GNB1: variants seen among roughly 807,000 people sequenced by gnomAD.
GNB1 encodes the protein guanine nucleotide-binding protein G(I)/G(S)/G(T) subunit beta-1.
Under a neutral mutation model 42.9 loss-of-function variants are expected in GNB1, and 2 were observed. That is an observed-to-expected ratio of 0.05 (90% CI 0.02 to 0.15). The LOEUF (loss-of-function observed/expected upper bound fraction) is 0.15. Ranked by LOEUF, GNB1 falls within the 10% of genes least tolerant of loss-of-function variation. The probability of loss-of-function intolerance (pLI) is 1.00; values close to 1 mark genes in which losing one functional copy is unlikely to be tolerated. For synonymous variants in GNB1, 183 were observed against 174.7 expected, an observed-to-expected ratio of 1.05 and a Z score of -0.38; for missense variants, 193 against 462.2, an observed-to-expected ratio of 0.42 and a Z score of 5.34.
chr1:1,874,983 A>T (rs974961210), intron 1 of GNB1, among the ~76,000 whole-genome samples: 16 of 152,080 alleles, frequency 1.1e-4, no homozygotes, highest in African/African-American at 3.6e-4. Context: ...AGATTCTCAT[A>T]AGGAGTGCAC....
chr1:1,883,254 G>T (rs1377733307), intron 1 of GNB1, among the ~76,000 whole-genome samples: 1 of 149,376 alleles, frequency 6.7e-6, no homozygotes, highest in African/African-American at 2.5e-5. Flanking sequence ...ACTCCAGCCT[G>T]GGTGACACAG....
At chr1:1,852,390 G>C (rs1026403089) in intron 1 of GNB1, among the ~76,000 whole-genome samples, 1 of 151,998 alleles carries the variant, frequency 6.6e-6, no homozygotes, top group South Asian at 2.1e-4. Context: ...CACCACGCCT[G>C]GCTAATTTTT....
At chr1:1,813,417 TTTTTTAAAA>T (rs2100825685) in intron 5 of GNB1, among the ~76,000 whole-genome samples, 1 of 152,270 alleles carries the variant, frequency 6.6e-6, no homozygotes, top group South Asian at 2.1e-4. Context: ...AGCCAGAACA[TTTTTTAAAA>T]AATTCTTTTT....
intron 1 of GNB1, among the ~76,000 whole-genome samples, chr1:1,877,295 T>C (rs1649596530): frequency 2.4e-5 from 3 of 125,908 alleles, no homozygotes; most frequent in African/African-American, 8.7e-5. Flanking sequence ...TGAGACTCTG[T>C]CTCAAAAAAA....
intron 5 of GNB1, among the ~76,000 whole-genome samples, chr1:1,814,563 C>A (rs912425412): frequency 5.3e-5 from 8 of 152,102 alleles, no homozygotes; most frequent in Admixed American, 3.3e-4. Context: ...CTTTGGGAGG[C>A]TGAGGTGGAA....
At chr1:1,802,655 T>C (rs1646640789) in intron 7 of GNB1, among the ~76,000 whole-genome samples, 1 of 151,370 alleles carries the variant, frequency 6.6e-6, no homozygotes, top group Non-Finnish European at 1.5e-5. Flanking sequence ...TGTAATCTAC[T>C]CGGGAGGCTG....
chr1:1,795,960 G>GA (rs915886082), intron 7 of GNB1, among the ~76,000 whole-genome samples: 6 of 152,134 alleles, frequency 3.9e-5, no homozygotes, highest in Non-Finnish European at 7.3e-5. Context: ...GGGAATGACC[G>GA]AATGTATAAG....
In GNB1 at chr1:1,790,512, A is replaced by G. The variant is rs1304248028; in HGVS notation, c.582T>C (p.Pro194=). Residue 194 remains proline, a synonymous_variant, in exon 9 of 12, where the codon CCT becomes CCC. Coordinates refer to ENST00000378609, the MANE Select transcript of GNB1 (RefSeq NM_002074.5). The surrounding 1 kb of genome is among the most constrained non-coding windows in gnomAD (Gnocchi z 5.4). ...TGDVMSLSLA[P]DTRLFVSGAC... ...CACCAGAGACGAACAGTCTGGTGTC[A>G]GGAGCAAGAGAAAGGCTCATGACAT... is the stretch of plus-strand genomic sequence containing the variant. The G allele has an allele frequency of 6.2e-7, 1 of 1,613,218 alleles. No individual in the cohort carries two copies. The highest frequency in any genetic ancestry group is 1.3e-5 in the African/African-American group (1 of 75,036).
intron 3 of GNB1, among the ~76,000 whole-genome samples, chr1:1,820,484 C>CA (rs1646917801): frequency 6.7e-6 from 1 of 150,324 alleles, no homozygotes; most frequent in African/African-American, 2.5e-5. Context: ...AAGACACACA[C>CA]AAAAAAATCG....
At chr1:1,869,333 A>G (rs1182525381) in intron 1 of GNB1, among the ~76,000 whole-genome samples, 2 of 152,126 alleles carry the variant, frequency 1.3e-5, no homozygotes, top group Admixed American at 6.6e-5. Flanking sequence ...TGACTTCTAT[A>G]AGAATCCAAA....
At chr1:1,823,013 T>G (rs948467398) in intron 3 of GNB1, among the ~76,000 whole-genome samples, 23 of 151,618 alleles carry the variant, frequency 1.5e-4, no homozygotes, top group Admixed American at 1.5e-3. Flanking sequence ...GAGGCCGAGG[T>G]GGGCGGATCA....
intron 5 of GNB1, among the ~76,000 whole-genome samples, chr1:1,812,486 A>G (rs906392550): frequency 6.6e-6 from 1 of 152,114 alleles, no homozygotes; most frequent in Non-Finnish European, 1.5e-5. Flanking sequence ...GCCTATCCAG[A>G]AAAAAACGGC....
chr1:1,823,906 C>G (rs1367565968), intron 3 of GNB1, among the ~76,000 whole-genome samples: 2 of 152,124 alleles, frequency 1.3e-5, no homozygotes, highest in East Asian at 3.8e-4. Flanking sequence ...ACTTTGTCAC[C>G]TAGGCTGCAG....
At chr1:1,842,476 AAC>A (rs1209784799) in intron 1 of GNB1, among the ~76,000 whole-genome samples, 1 of 152,070 alleles carries the variant, frequency 6.6e-6, no homozygotes, top group Non-Finnish European at 1.5e-5. Context: ...TCTCTGCTAG[AAC>A]ACAGACAAAC....
At chr1:1,871,544 C>T (rs766487447) in intron 1 of GNB1, among the ~76,000 whole-genome samples, 1 of 152,112 alleles carries the variant, frequency 6.6e-6, no homozygotes, top group Non-Finnish European at 1.5e-5. Flanking sequence ...CTCGATCTAA[C>T]CTCTAATAGC....
intron 5 of GNB1, among the ~76,000 whole-genome samples, chr1:1,813,651 C>A (rs1030867729): frequency 6.6e-6 from 1 of 151,994 alleles, no homozygotes; most frequent in Non-Finnish European, 1.5e-5. Context: ...CCACAACAAC[C>A]AACTTATTTT....
At chr1:1,869,243 T>TA (rs1649118985) in intron 1 of GNB1, among the ~76,000 whole-genome samples, 1 of 149,354 alleles carries the variant, frequency 6.7e-6, no homozygotes, top group African/African-American at 2.5e-5. Context: ...GAAGCAAACT[T>TA]ACAAAGACCA....
At chr1:1,890,135 GCCGGACAGAC>G (rs888124520) in intron 1 of GNB1, among the ~76,000 whole-genome samples, 19 of 152,064 alleles carry the variant, frequency 1.2e-4, no homozygotes, top group African/African-American at 4.3e-4. Flanking sequence ...GGGCGCCAGC[GCCGGACAGAC>G]CCGGGCCTCG....
At chr1:1,850,457 A>G (rs189761124) in intron 1 of GNB1, among the ~76,000 whole-genome samples, 2 of 150,682 alleles carry the variant, frequency 1.3e-5, no homozygotes, top group East Asian at 3.9e-4. Flanking sequence ...GTTCTGGTTT[A>G]TTTTCTTCTG....
Sources: gnomAD v4.1 joint callset for allele counts (sites outside exome capture counted in the v4.1 genomes callset) on GRCh38, gnomAD v4.1.1 for gene constraint, Gnocchi (gnomAD v3.1) non-coding constraint, MANE v1.5 for transcripts, NCBI Gene and HGNC (gene_info 2026-07-23, HGNC 2026-07-21) for gene names.